Variants in SEMA3C observed in about 807,000 individuals in gnomAD.
The protein encoded by SEMA3C is semaphorin 3C.
SEMA3C carries 47 observed loss-of-function variants against 89.4 expected under a neutral mutation model. That is an observed-to-expected ratio of 0.53 (90% CI 0.42 to 0.67). The LOEUF (loss-of-function observed/expected upper bound fraction) is 0.67. Ranked by LOEUF, SEMA3C falls within the 30% of genes least tolerant of loss-of-function variation. The pLI, the probability that SEMA3C is intolerant of heterozygous loss-of-function variation, is 0.00. For synonymous variants in SEMA3C, 310 were observed against 320.2 expected (o/e 0.97, Z 0.34); for missense variants, 839 against 929.1 (o/e 0.90, Z 1.26).
At chr7:80,816,658 T>C (rs1429893365) in intron 5 of SEMA3C, among the ~76,000 whole-genome samples, 5 of 152,178 alleles carry the variant, frequency 3.3e-5, no homozygotes, top group Non-Finnish European at 7.4e-5. Context: ...AGGACTACAT[T>C]TTATAAAGCT....
At chr7:80,832,377 G>C (rs1464196947) in intron 2 of SEMA3C, among the ~76,000 whole-genome samples, 1 of 152,116 alleles carries the variant, frequency 6.6e-6, no homozygotes, top group East Asian at 1.9e-4. Context: ...CCAGCCCACA[G>C]TAGAGGATCA....
intron 11 of SEMA3C, among the ~76,000 whole-genome samples, chr7:80,794,132 C>T (rs1228899154): frequency 6.6e-6 from 1 of 151,962 alleles, no homozygotes; most frequent in Non-Finnish European, 1.5e-5. Context: ...TACTAACCCA[C>T]ACAGAGCTTC....
chr7:80,866,423 T>G (rs1790927735), intron 2 of SEMA3C, among the ~76,000 whole-genome samples: 1 of 152,204 alleles, frequency 6.6e-6, no homozygotes, highest in African/African-American at 2.4e-5. Flanking sequence ...CGGTAATTTT[T>G]ACTTTTAATT....
At position 80,744,949 on chromosome 7, in the gene SEMA3C, G is replaced by T; in HGVS notation, c.2201C>A (p.Ala734Asp). 3 of 1,614,004 alleles carry T rather than the reference G, an allele frequency of 1.9e-6. No homozygotes were observed. The highest frequency in any genetic ancestry group is 2.5e-6 in the Non-Finnish European group (3 of 1,179,954). ...KMRGDYGKLK[A>D]LINSRKSRNR... is the part of the protein sequence containing the mutation. ...TCTACTTTTCCGACTATTGATGAGGGCCTTTAACTTGCCATAGTCCCCTCT... is the reference window on the plus strand; with the variant it reads ...TCTACTTTTCCGACTATTGATGAGGTCCTTTAACTTGCCATAGTCCCCTCT... Residue 734 changes from alanine (A) to aspartate (D), a missense_variant, in exon 18 of 18, where the codon GCC becomes GAC. Ala to Asp is a moderately radical substitution (Grantham distance 126). Coordinates refer to ENST00000265361, the MANE Select transcript of SEMA3C (RefSeq NM_006379.5).
rs777783617 is a variant in SEMA3C at position 80,905,175 on chromosome 7, A to ATTT, written c.103+11501_103+11503dup. On this transcript the variant is annotated intron_variant, in intron 2 of 17. Transcript: ENST00000265361. ...TTTGCTGCAACCCTCAATTATGGCC[A>ATTT]TTTTTTTTTTTTTTTGAGGAGGTGG... 4.2e-4 allele frequency among the ~76,000 whole-genome samples: 52 copies of ATTT among 123,520 alleles called. 3 individuals are homozygous for ATTT. Among genetic ancestry groups the ATTT allele is most frequent in the African/African-American group, 1.6e-3 (50 of 31,650 alleles). 81.0% of individuals were successfully genotyped at this position (123,520 alleles called of 152,430 possible). A position where few individuals can be genotyped will look rare whatever the true frequency, so the allele number is the denominator to read the frequency against.
chr7:80,776,582 C>A (rs1175183427), intron 12 of SEMA3C, among the ~76,000 whole-genome samples: 2 of 152,164 alleles, frequency 1.3e-5, no homozygotes, highest in African/African-American at 4.8e-5. Flanking sequence ...GTCTCTTCAC[C>A]TGTTACATAA....
intron 2 of SEMA3C, among the ~76,000 whole-genome samples, chr7:80,834,293 C>T (rs562225346): frequency 1.7e-4 from 26 of 152,160 alleles, no homozygotes; most frequent in African/African-American, 6.0e-4. Context: ...TGCCAATGTT[C>T]CCTGGGGTAA....
chr7:80,785,137 C>G (rs1056243788), intron 12 of SEMA3C, among the ~76,000 whole-genome samples: 28 of 152,098 alleles, frequency 1.8e-4, no homozygotes, highest in Admixed American at 1.8e-3. Flanking sequence ...AGGTCAGTAT[C>G]TCAAATTCAG....
At chr7:80,898,237 A>G (rs1028046902) in intron 2 of SEMA3C, among the ~76,000 whole-genome samples, 5 of 152,042 alleles carry the variant, frequency 3.3e-5, no homozygotes, top group Admixed American at 6.6e-5. Context: ...ATGGTGGCAC[A>G]TGCCTGTAGT....
rs142288894 is a variant in SEMA3C, at chr7:80,811,551, T to TA, written c.448-851dup. 7.0e-3 allele frequency among the ~76,000 whole-genome samples: 1,034 copies of TA among 147,378 alleles called. 50 individuals are homozygous for TA. In the East Asian group the frequency reaches 0.11, roughly 16 times the overall value. ...ACAAGCCCCCTACCAAAATTCAAAGTAAAAAAAAAATGACCATTTTAATAA... is the reference window on the plus strand; with the variant it reads ...ACAAGCCCCCTACCAAAATTCAAAGTAAAAAAAAAAATGACCATTTTAATAA... On this transcript the variant is annotated intron_variant, in intron 5 of 17. Transcript: ENST00000265361.
At chr7:80,824,689 G>T (rs1789831333) in intron 4 of SEMA3C, among the ~76,000 whole-genome samples, 3 of 152,110 alleles carry the variant, frequency 2.0e-5, no homozygotes, top group African/African-American at 7.2e-5. Context: ...GTGGCTAAGG[G>T]TACAGAATCC....
chr7:80,914,729 G>T (rs1429536299), intron 2 of SEMA3C, among the ~76,000 whole-genome samples: 1 of 152,136 alleles, frequency 6.6e-6, no homozygotes, highest in Non-Finnish European at 1.5e-5. Flanking sequence ...AACAACTCAT[G>T]TCATATTCTA....
chr7:80,798,061 T>C (rs1464942604), intron 11 of SEMA3C, 31 bp downstream of exon 11: 3 of 1,578,886 alleles, frequency 1.9e-6, no homozygotes, highest in Non-Finnish European at 2.6e-6. Flanking sequence ...TTATAAAGCA[T>C]CATAACAAAG....
chr7:80,880,306 TTCA>T (rs1045886265), intron 2 of SEMA3C, among the ~76,000 whole-genome samples: 8 of 152,182 alleles, frequency 5.3e-5, no homozygotes, highest in African/African-American at 1.9e-4. Context: ...GAATAATTTA[TTCA>T]TCATGTTTAG....
chr7:80,766,256 CA>C (rs986408683), intron 12 of SEMA3C, among the ~76,000 whole-genome samples: 1 of 152,186 alleles, frequency 6.6e-6, no homozygotes, highest in African/African-American at 2.4e-5. Flanking sequence ...CAGAGTCCCC[CA>C]CCCCCAACCA....
rs566236646 is a variant in SEMA3C at position 80,858,826 on chromosome 7, CT to C, written c.104-30082del. Among the ~76,000 whole-genome samples, 288 of 152,256 alleles carry C rather than the reference CT, an allele frequency of 1.9e-3. 2 individuals carry two copies. The highest frequency in any genetic ancestry group is 6.0e-3 in the African/African-American group (248 of 41,550). ...GTACTTTGGCCCAGACTAGTTCCCA[CT>C]TTAAATAGAGCAAGTATGAATTCGA... On this transcript the variant is annotated intron_variant, in intron 2 of 17. Coordinates refer to ENST00000265361, the MANE Select transcript of SEMA3C (RefSeq NM_006379.5).
At chr7:80,859,171 G>A (rs143207459) in intron 2 of SEMA3C, among the ~76,000 whole-genome samples, 2 of 152,214 alleles carry the variant, frequency 1.3e-5, no homozygotes, top group East Asian at 3.9e-4. Flanking sequence ...GTGTGTTTGT[G>A]TGTGTGTAGG....
intron 2 of SEMA3C, among the ~76,000 whole-genome samples, chr7:80,872,586 G>T (rs1045088674): frequency 6.6e-5 from 10 of 152,060 alleles, no homozygotes; most frequent in African/African-American, 2.4e-4. Flanking sequence ...GGCGGATCAT[G>T]AGGTCAAGAG....
chr7:80,851,533 A>G (rs13222094), intron 2 of SEMA3C, among the ~76,000 whole-genome samples: 2 of 131,336 alleles, frequency 1.5e-5, no homozygotes, highest in South Asian at 5.0e-4. Context: ...AAAAAAAAAG[A>G]CATTCATAGT....
Sources: gnomAD v4.1 joint callset for allele counts (sites outside exome capture counted in the v4.1 genomes callset) on GRCh38, gnomAD v4.1.1 for gene constraint, MANE v1.5 for transcripts, NCBI Gene and HGNC (gene_info 2026-07-23, HGNC 2026-07-21) for gene names.